The following PTK2B variants were observed in gnomAD, a reference collection of about 807,000 sequenced individuals.
The protein encoded by PTK2B is protein tyrosine kinase 2 beta, also known as protein-tyrosine kinase 2-beta.
PTK2B carries 71 observed loss-of-function variants against 142.9 expected under a neutral mutation model. The observed-to-expected ratio is 0.50, with a 90% CI of 0.41 to 0.61. The LOEUF (loss-of-function observed/expected upper bound fraction) is 0.61, where lower values mean the gene tolerates loss of function less well. Ranked by LOEUF, PTK2B falls within the 20% of genes least tolerant of loss-of-function variation. The pLI, the probability that PTK2B is intolerant of heterozygous loss-of-function variation, is 0.00. For synonymous variants in PTK2B, 519 were observed against 503.4 expected (o/e 1.03, Z -0.42); for missense variants, 1,105 against 1,320.4 (o/e 0.84, Z 2.53).
intron 1 of PTK2B, among the ~76,000 whole-genome samples, chr8:27,365,243 C>T (rs1268921308): frequency 6.6e-6 from 1 of 152,190 alleles, no homozygotes; most frequent in Non-Finnish European, 1.5e-5. Context: ...TATCTGTCTC[C>T]CCAACTTGGC....
At chr8:27,416,582 A>T (rs1809414193) in intron 2 of PTK2B, among the ~76,000 whole-genome samples, 1 of 152,238 alleles carries the variant, frequency 6.6e-6, no homozygotes, top group African/African-American at 2.4e-5. Flanking sequence ...GCAGGCAAAG[A>T]TTTCTTAGGA....
chr8:27,382,196 C>T (rs1291692183), intron 1 of PTK2B, among the ~76,000 whole-genome samples: 4 of 152,344 alleles, frequency 2.6e-5, no homozygotes, highest in Non-Finnish European at 4.4e-5. Context: ...CATCCATCCA[C>T]CTTGGCCTTC....
rs769394274 is a variant in PTK2B at position 27,458,640 on chromosome 8, G to A, written c.*131G>A. On this transcript the variant is annotated 3_prime_UTR_variant, in exon 31 of 31. Coordinates refer to ENST00000346049, the MANE Select transcript of PTK2B (RefSeq NM_173176.3). ...GTCACCTTCCCTTGCCACTTTGCAC[G>A]ACGCCCTCTCCCCACCCCTACCCCT... is the stretch of plus-strand genomic sequence containing the variant. 38 of 924,074 alleles carry A rather than the reference G, an allele frequency of 4.1e-5. No homozygotes were observed. Among genetic ancestry groups the A allele is most frequent in the East Asian group, 5.3e-5 (2 of 38,036 alleles). 57.2% of individuals were successfully genotyped at this position (924,074 alleles called of 1,614,324 possible). A position where few individuals can be genotyped will look rare whatever the true frequency, so the allele number is the denominator to read the frequency against.
chr8:27,453,904 T>C (rs1811978094), intron 28 of PTK2B: 3 of 477,530 alleles, frequency 6.3e-6, no homozygotes, highest in African/African-American at 4.0e-5. Context: ...CTGCACCCTA[T>C]GTCCAGGTGG....
At chr8:27,392,168 C>T (rs1189294836) in intron 1 of PTK2B, among the ~76,000 whole-genome samples, 1 of 152,176 alleles carries the variant, frequency 6.6e-6, no homozygotes, top group East Asian at 1.9e-4. Context: ...CAAGTTCTAT[C>T]ATCAAGAAGA....
chr8:27,327,312 G>A (rs1227109180), intron 1 of PTK2B, among the ~76,000 whole-genome samples: 3 of 152,160 alleles, frequency 2.0e-5, no homozygotes, highest in Non-Finnish European at 2.9e-5. Context: ...CTTGGGACCT[G>A]GAGCCAGGCA....
chr8:27,442,140 A>C (rs1477263321), intron 21 of PTK2B, among the ~76,000 whole-genome samples: 1 of 152,238 alleles, frequency 6.6e-6, no homozygotes, highest in Non-Finnish European at 1.5e-5. Flanking sequence ...GTCTCTGTGT[A>C]ACAATAGTTA....
At chr8:27,314,147 A>G (rs897086381) in intron 3 of PTK2B, among the ~76,000 whole-genome samples, 9 of 152,238 alleles carry the variant, frequency 5.9e-5, no homozygotes, top group African/African-American at 1.9e-4. Flanking sequence ...TATTAACATT[A>G]GCTCATACCC....
intron 1 of PTK2B, among the ~76,000 whole-genome samples, chr8:27,393,718 C>T (rs1297361103): frequency 6.6e-6 from 1 of 152,018 alleles, no homozygotes; most frequent in African/African-American, 2.4e-5. Flanking sequence ...AAAATTGAGC[C>T]GAAAGTGCAG....
rs145265366 is a variant in PTK2B, at chr8:27,351,532, A to G, written c.-38+25851A>G. On this transcript the variant is annotated intron_variant, in intron 1 of 30. Transcript: ENST00000346049. ...TGAATCTGTTGACTTCCATCCCTCT[A>G]CTGGTCCTAATGGATTCCATCTGAG... is the stretch of plus-strand genomic sequence containing the variant. Among the ~76,000 whole-genome samples the G allele has an allele frequency of 1.4e-3, 214 of 152,260 alleles. 1 individual carries two copies. Among genetic ancestry groups the G allele is most frequent in the African/African-American group, 4.9e-3 (204 of 41,536 alleles).
intron 1 of PTK2B, among the ~76,000 whole-genome samples, chr8:27,397,143 C>T (rs1175363091): frequency 6.6e-6 from 1 of 152,164 alleles, no homozygotes; most frequent in Non-Finnish European, 1.5e-5. Context: ...TCCTCTCCTG[C>T]TATTTTCTAC....
At chr8:27,418,277 T>C (rs750539) in intron 2 of PTK2B, among the ~76,000 whole-genome samples, 55,643 of 152,118 alleles carry the variant, frequency 0.37, 10,600 homozygotes, top group Middle Eastern at 0.46. Flanking sequence ...CAAGAGGCAG[T>C]TAGCCCGAGA....
At chr8:27,372,652 A>T (rs1022661326) in intron 1 of PTK2B, among the ~76,000 whole-genome samples, 1 of 152,186 alleles carries the variant, frequency 6.6e-6, no homozygotes. Flanking sequence ...TCAAGTTGAT[A>T]CAGAAAATTA....
At chr8:27,453,291 C>G in intron 28 of PTK2B, 131 bp downstream of exon 28, 38 of 1,174,692 alleles carry the variant, frequency 3.2e-5, no homozygotes, top group Admixed American at 4.2e-5. Context: ...AGATGAAGCC[C>G]GGGGTTAGGG....
At chr8:27,406,361 G>T (rs1200821032) in intron 2 of PTK2B, among the ~76,000 whole-genome samples, 1 of 151,942 alleles carries the variant, frequency 6.6e-6, no homozygotes, top group African/African-American at 2.4e-5. Flanking sequence ...TCTTTTGGGG[G>T]CCACCATTCA....
rs1811009883 is a variant in PTK2B, at chr8:27,439,377, G to C, written c.1813G>C (p.Ala605Pro). 6.2e-7 allele frequency: 1 copy of C among 1,613,726 alleles called. No individual in the cohort carries two copies. Among genetic ancestry groups the C allele is most frequent in the African/African-American group, 1.3e-5 (1 of 74,922 alleles). ...CATTAACTTCCGACGCTTCACGACA[G>C]CCAGTGACGTCTGGATGTTCGGTGA... Reference protein sequence around the residue: ...ESINFRRFTTASDVWMFAVCM... With the variant: ...ESINFRRFTTPSDVWMFAVCM... The change falls in exon 20 of 31, where the codon GCC (alanine) becomes CCC (proline). Residue 605 changes from alanine (A) to proline (P), a missense_variant. Ala to Pro is a conservative substitution (Grantham distance 27). Transcript: ENST00000346049.
At chr8:27,372,250 A>G (rs1462400907) in intron 1 of PTK2B, among the ~76,000 whole-genome samples, 3 of 152,234 alleles carry the variant, frequency 2.0e-5, no homozygotes, top group Non-Finnish European at 4.4e-5. Flanking sequence ...CCCCAGAGAA[A>G]CAGAACAGAC....
intron 1 of PTK2B, among the ~76,000 whole-genome samples, chr8:27,386,019 CAAT>C (rs1807331568): frequency 6.6e-6 from 1 of 151,510 alleles, no homozygotes; most frequent in East Asian, 1.9e-4. Context: ...ACCAAAATAA[CAAT>C]ATTATAACTG....
chr8:27,451,091 G>A lies in PTK2B; in HGVS notation c.2523+13G>A. The A allele has an allele frequency of 1.2e-6, 2 of 1,611,032 alleles. No individual in the cohort carries two copies. Among genetic ancestry groups the A allele is most frequent in the African/African-American group, 2.7e-5 (2 of 74,986 alleles). On this transcript the variant is annotated intron_variant, in intron 26 of 30. Transcript: ENST00000346049. Reference sequence around the variant, plus strand: ...TAAGTCCCCATTGGTGAGTTGCCAGGAGAGGCCGCCTCCTCCATGCCAAGG... The same window carrying A: ...TAAGTCCCCATTGGTGAGTTGCCAGAAGAGGCCGCCTCCTCCATGCCAAGG...
Sources: allele counts gnomAD v4.1 joint callset (sites outside exome capture counted in the v4.1 genomes callset), GRCh38; gene constraint gnomAD v4.1.1; transcripts MANE v1.5; gene names NCBI Gene and HGNC (gene_info 2026-07-23, HGNC 2026-07-21).